DPF3: variants seen among roughly 807,000 people sequenced by gnomAD.
DPF3 encodes double PHD fingers 3, also known as zinc finger protein DPF3.
DPF3 carries 18 observed loss-of-function variants against 56.8 expected under a neutral mutation model. The observed-to-expected ratio is 0.32, with a 90% CI of 0.22 to 0.47. The LOEUF is 0.47. DPF3 is among the 20% of genes least tolerant of loss of function. The pLI is 1.00. For missense variants in DPF3, 403 were observed against 488.8 expected (o/e 0.82, Z 1.65); for synonymous variants, 188 against 180.2 (o/e 1.04, Z -0.35).
In DPF3 at chr14:72,723,677, A is replaced by G. The variant is rs764690547; in HGVS notation, c.481T>C (p.Leu161=). 6.3e-7 allele frequency: 1 copy of G among 1,590,682 alleles called. No individual in the cohort carries two copies. Among genetic ancestry groups the G allele is most frequent in the Non-Finnish European group, 8.5e-7 (1 of 1,172,522 alleles). Residue 161 remains leucine (L), a synonymous_variant, in exon 5 of 11, where the codon TTG becomes CTG. Coordinates refer to ENST00000556509, the MANE Select transcript of DPF3 (RefSeq NM_001280542.3). The stretch of plus-strand genomic sequence containing the variant: ...TTTCGCTTGGGAATATCCTCTTCCA[A>G]ATCCTCTTCTTCATTCCCTTCTTCT... The part of the protein sequence containing the change: ...NVEEGNEEED[L]EEDIPKRKNR...
intron 1 of DPF3, among the ~76,000 whole-genome samples, chr14:72,844,577 C>A (rs188571137): frequency 6.6e-6 from 1 of 152,276 alleles, no homozygotes; most frequent in African/African-American, 2.4e-5. Context: ...ACATTTTTGG[C>A]ACATTATAGA....
At chr14:72,851,761 C>T (rs6420906) in intron 1 of DPF3, among the ~76,000 whole-genome samples, 148,345 of 152,342 alleles carry the variant, frequency 0.97, 72,270 homozygotes, top group East Asian at 1. Flanking sequence ...AATGTCCACT[C>T]GAGGATCTGT....
At chr14:72,863,063 TA>T (rs1885501571) in intron 1 of DPF3, among the ~76,000 whole-genome samples, 1 of 1,470 alleles carries the variant, frequency 6.8e-4, no homozygotes. Context: ...TCCATTTATA[TA>T]TATATATATA....
At chr14:72,667,794 C>T (rs190261871) in intron 8 of DPF3, among the ~76,000 whole-genome samples, 7 of 152,232 alleles carry the variant, frequency 4.6e-5, no homozygotes, top group Non-Finnish European at 7.4e-5. Context: ...ATATTCATTA[C>T]AAAAACCCTT....
chr14:72,821,056 C>T (rs577534918), intron 1 of DPF3, among the ~76,000 whole-genome samples: 23 of 151,636 alleles, frequency 1.5e-4, no homozygotes, highest in African/African-American at 5.1e-4. Flanking sequence ...ATCGCTTGAA[C>T]CTGAGACGCA....
chr14:72,782,091 T>C (rs890066576), intron 1 of DPF3, among the ~76,000 whole-genome samples: 3 of 151,980 alleles, frequency 2.0e-5, no homozygotes, highest in Non-Finnish European at 4.4e-5. Context: ...GACAAACAGA[T>C]CCCCAGCCCT....
chr14:72,850,899 T>C (rs1884958323), intron 1 of DPF3, among the ~76,000 whole-genome samples: 1 of 152,150 alleles, frequency 6.6e-6, no homozygotes, highest in African/African-American at 2.4e-5. Flanking sequence ...CTCATTAACT[T>C]CCCAGACAGG....
chr14:72,688,152 T>TGATG (rs1208372778), intron 7 of DPF3, among the ~76,000 whole-genome samples: 11,742 of 104,342 alleles, frequency 0.11, 1,189 homozygotes, highest in African/African-American at 0.26. Context: ...ATGAGATGGA[T>TGATG]GATGGATGGA....
Position 72,629,699 on chromosome 14 carries a change from G to A in DPF3, c.909C>T (p.Thr303=), listed in dbSNP as rs547441387. 3.8e-5 allele frequency: 59 copies of A among 1,535,954 alleles called. No homozygotes were observed. Among genetic ancestry groups the A allele is most frequent in the African/African-American group, 3.0e-4 (22 of 73,020 alleles). ...PTCLQFTLNM[T]EAVKTYKWQC... is the part of the protein sequence containing the mutation. ...GCCACTTGTAGGTCTTGACAGCCTC[G>A]GTCATGTTCAGGGTAAACTGCAGGC... is the stretch of plus-strand genomic sequence containing the variant. The change falls in exon 9 of 11, where the codon ACC becomes ACT. Residue 303 remains threonine, a synonymous_variant. Transcript: ENST00000556509.
intron 1 of DPF3, among the ~76,000 whole-genome samples, chr14:72,784,767 G>A (rs1428424024): frequency 6.6e-6 from 1 of 151,410 alleles, no homozygotes; most frequent in African/African-American, 2.4e-5. Flanking sequence ...AAGCACCCTG[G>A]CCAACTTGGT....
chr14:72,750,817 A>AC (rs56167195), intron 3 of DPF3, among the ~76,000 whole-genome samples: 3 of 146,698 alleles, frequency 2.0e-5, no homozygotes, highest in Non-Finnish European at 4.5e-5. Context: ...AAAAAAAAAA[A>AC]CCTGCTACCA....
chr14:72,798,184 G>A (rs774845507), intron 1 of DPF3, among the ~76,000 whole-genome samples: 2 of 149,760 alleles, frequency 1.3e-5, no homozygotes, highest in Non-Finnish European at 3.0e-5. Flanking sequence ...AACCCGGGAG[G>A]TGGAGGTTGC....
chr14:72,637,699 C>T (rs1885424900), intron 8 of DPF3, among the ~76,000 whole-genome samples: 2 of 152,104 alleles, frequency 1.3e-5, no homozygotes. Flanking sequence ...TTTGTCTATG[C>T]CACCCAAAAA....
At chr14:72,862,499 T>C (rs1385426879) in intron 1 of DPF3, among the ~76,000 whole-genome samples, 4 of 152,104 alleles carry the variant, frequency 2.6e-5, no homozygotes, top group Non-Finnish European at 5.9e-5. Flanking sequence ...GTGGTCCAAG[T>C]CACTGCCTCC....
intron 1 of DPF3, among the ~76,000 whole-genome samples, chr14:72,817,960 T>G (rs956617887): frequency 2.0e-5 from 3 of 151,990 alleles, no homozygotes; most frequent in Non-Finnish European, 4.4e-5. Context: ...TTAGAAAAAT[T>G]CCAGAAGAAG....
At position 72,612,482 on chromosome 14, in the gene DPF3, T is replaced by G. The variant is rs971496495; in HGVS notation, c.*6815A>C. 1 of 518,572 alleles carries G rather than the reference T, an allele frequency of 1.9e-6. No homozygotes were observed. The highest frequency in any genetic ancestry group is 3.8e-6 in the Non-Finnish European group (1 of 259,780). 32.1% of individuals were successfully genotyped at this position (518,572 alleles called of 1,614,324 possible). A position where few individuals can be genotyped will look rare whatever the true frequency, so the allele number is the denominator to read the frequency against. The stretch of plus-strand genomic sequence containing the variant: ...GGCTTCTTCAACTACATGTTGAAAA[T>G]GTGCACGGGGTATATTTTCTTTTTC... On this transcript the variant is annotated 3_prime_UTR_variant, in exon 11 of 11. Coordinates refer to ENST00000556509, the MANE Select transcript of DPF3 (RefSeq NM_001280542.3).
At chr14:72,854,333 C>T (rs976767914) in intron 1 of DPF3, among the ~76,000 whole-genome samples, 3 of 152,184 alleles carry the variant, frequency 2.0e-5, no homozygotes, top group Admixed American at 6.5e-5. Flanking sequence ...CTCTACTCTA[C>T]TCCAGCCTGG....
intron 1 of DPF3, among the ~76,000 whole-genome samples, chr14:72,794,073 G>C (rs1892545709): frequency 1.3e-5 from 2 of 152,188 alleles, no homozygotes; most frequent in African/African-American, 4.8e-5. Flanking sequence ...CTGGGGCACT[G>C]GCATGAGGAC....
intron 1 of DPF3, among the ~76,000 whole-genome samples, chr14:72,889,735 G>A (rs1292991773): frequency 6.6e-6 from 1 of 151,992 alleles, no homozygotes; most frequent in African/African-American, 2.4e-5. Flanking sequence ...TAGATTTGAC[G>A]TTCATCTACA....
Sources: gnomAD v4.1 joint callset for allele counts (sites outside exome capture counted in the v4.1 genomes callset) on GRCh38, gnomAD v4.1.1 for gene constraint, MANE v1.5 for transcripts, NCBI Gene and HGNC (gene_info 2026-07-23, HGNC 2026-07-21) for gene names.